GAB2: variants seen among roughly 807,000 people sequenced by gnomAD.
GAB2 encodes GRB2-associated-binding protein 2.
GAB2 carries 26 observed loss-of-function variants against 65.5 expected under a neutral mutation model. The ratio of observed to expected loss-of-function variants is 0.40; its 90% CI spans 0.29 to 0.55. The LOEUF is 0.55. Among genes scored for constraint, GAB2 ranks in the 20% least tolerant of loss-of-function variants. The pLI is 0.53. For synonymous variants in GAB2, 321 were observed against 329.6 expected, an observed-to-expected ratio of 0.97 and a Z score of 0.28; for missense variants, 884 against 875.8, an observed-to-expected ratio of 1.01 and a Z score of -0.12.
rs1000877288 is a variant in GAB2, at chr11:78,215,544, A to G, written c.*3728T>C. 1 of 152,632 alleles carries G rather than the reference A, an allele frequency of 6.6e-6. No individual in the cohort carries two copies. The highest frequency in any genetic ancestry group is 2.4e-5 in the African/African-American group (1 of 41,482). 9.5% of individuals were successfully genotyped at this position (152,632 alleles called of 1,614,324 possible). Reference sequence around the variant, plus strand: ...TAAATGTCAATTTTAAATGGTAACAAGACAAGAACTCAAGACTGGGCTTCC... The same window carrying G: ...TAAATGTCAATTTTAAATGGTAACAGGACAAGAACTCAAGACTGGGCTTCC... On this transcript the variant is annotated 3_prime_UTR_variant, in exon 10 of 10. Transcript: ENST00000361507.
At chr11:78,410,993 A>T (rs955588406) in intron 1 of GAB2, among the ~76,000 whole-genome samples, 1 of 104,180 alleles carries the variant, frequency 9.6e-6, no homozygotes, top group Non-Finnish European at 2.2e-5. Flanking sequence ...TACAAATAAT[A>T]AAAAAAAAAA....
rs1452616134 is a variant in GAB2 at position 78,221,850 on chromosome 11, G to C, written c.1659-71C>G. On this transcript the variant is annotated intron_variant, in intron 7 of 9. Coordinates refer to ENST00000361507, the MANE Select transcript of GAB2 (RefSeq NM_080491.3). Reference sequence around the variant, plus strand: ...CTGCCATGTTTCTAGCCTCCAGCTGGGCCCTGACCCTCACACACCCAGACC... The same window carrying C: ...CTGCCATGTTTCTAGCCTCCAGCTGCGCCCTGACCCTCACACACCCAGACC... 17 of 1,084,548 alleles carry C rather than the reference G, an allele frequency of 1.6e-5. 1 individual carries two copies. In the Admixed American group the frequency reaches 3.1e-4, roughly 20 times the overall value. The allele number at this position is 1,084,548 out of a possible 1,614,324, so 67.2% of individuals were successfully genotyped here.
intron 1 of GAB2, among the ~76,000 whole-genome samples, chr11:78,411,747 G>A (rs887155599): frequency 1.3e-5 from 2 of 151,792 alleles, no homozygotes; most frequent in African/African-American, 4.8e-5. Flanking sequence ...AAAAAAACCA[G>A]GAAAGCCGGC....
At chr11:78,314,105 G>C (rs1027862915) in intron 1 of GAB2, among the ~76,000 whole-genome samples, 1 of 152,244 alleles carries the variant, frequency 6.6e-6, no homozygotes, top group Non-Finnish European at 1.5e-5. Flanking sequence ...GGGAAGTAAA[G>C]GAACCATTCA....
chr11:78,362,151 T>C (rs993323038), intron 1 of GAB2, among the ~76,000 whole-genome samples: 1 of 151,910 alleles, frequency 6.6e-6, no homozygotes, highest in Admixed American at 6.6e-5. Flanking sequence ...AATACGTATT[T>C]GTATGCGTAT....
At chr11:78,347,081 G>T (rs1856203712) in intron 1 of GAB2, among the ~76,000 whole-genome samples, 1 of 151,962 alleles carries the variant, frequency 6.6e-6, no homozygotes, top group Non-Finnish European at 1.5e-5. Flanking sequence ...CTGTCCATGT[G>T]GCCAAACGTT....
chr11:78,355,355 T>C (rs191822557), intron 1 of GAB2, among the ~76,000 whole-genome samples: 3 of 152,232 alleles, frequency 2.0e-5, no homozygotes, highest in Admixed American at 2.0e-4. Context: ...CCTTCTGTTA[T>C]CAAAAAAGAT....
At chr11:78,223,161 G>C (rs1326022579) in intron 6 of GAB2, among the ~76,000 whole-genome samples, 2 of 152,144 alleles carry the variant, frequency 1.3e-5, no homozygotes, top group African/African-American at 4.8e-5. Context: ...TCTACATGCA[G>C]GGGGCACAAA....
At chr11:78,414,741 A>G (rs1398827784) in intron 1 of GAB2, among the ~76,000 whole-genome samples, 1 of 152,206 alleles carries the variant, frequency 6.6e-6, no homozygotes, top group Non-Finnish European at 1.5e-5. Flanking sequence ...TAGGTCTCTT[A>G]TACTTATACT....
At chr11:78,251,058 T>C (rs1454508075) in intron 2 of GAB2, among the ~76,000 whole-genome samples, 1 of 151,526 alleles carries the variant, frequency 6.6e-6, no homozygotes, top group Non-Finnish European at 1.5e-5. Context: ...TTAGACAATA[T>C]ACCCATGTAA....
At chr11:78,281,183 C>T (rs1356751777) in intron 1 of GAB2, among the ~76,000 whole-genome samples, 1 of 152,052 alleles carries the variant, frequency 6.6e-6, no homozygotes, top group Non-Finnish European at 1.5e-5. Flanking sequence ...TCAAGAGATC[C>T]TCCCAACTCA....
chr11:78,378,372 C>T (rs753255969), intron 1 of GAB2, among the ~76,000 whole-genome samples: 1 of 152,152 alleles, frequency 6.6e-6, no homozygotes, highest in Non-Finnish European at 1.5e-5. Flanking sequence ...TTCTGAGCTT[C>T]CTTATTATCA....
chr11:78,321,005 G>A lies in GAB2; in HGVS notation c.76-40104C>T, dbSNP rs184680462. Among the ~76,000 whole-genome samples, 921 of 152,264 alleles carry A rather than the reference G, an allele frequency of 6.0e-3. 7 individuals carry two copies. Among genetic ancestry groups the A allele is most frequent in the African/African-American group, 0.021 (878 of 41,560 alleles). Reference sequence around the variant, plus strand: ...TAGTCACTGCTGGAATGTGGGGGTTGAAACAGAGTGAAGAATGACTTACAG... The same window carrying A: ...TAGTCACTGCTGGAATGTGGGGGTTAAAACAGAGTGAAGAATGACTTACAG... On this transcript the variant is annotated intron_variant, in intron 1 of 9. Transcript: ENST00000361507.
At chr11:78,410,006 A>G (rs1367991375) in intron 1 of GAB2, among the ~76,000 whole-genome samples, 1 of 152,186 alleles carries the variant, frequency 6.6e-6, no homozygotes, top group Non-Finnish European at 1.5e-5. Context: ...AAACTAAACA[A>G]TGTACTTGTA....
intron 3 of GAB2, among the ~76,000 whole-genome samples, chr11:78,233,153 C>A (rs1401501633): frequency 6.6e-6 from 1 of 151,482 alleles, no homozygotes; most frequent in East Asian, 2.0e-4. Context: ...CATCCTCCCA[C>A]CTCAGTCTTC....
intron 1 of GAB2, among the ~76,000 whole-genome samples, chr11:78,412,485 G>A (rs1456183648): frequency 6.6e-6 from 1 of 152,182 alleles, no homozygotes; most frequent in Admixed American, 6.5e-5. Flanking sequence ...AGTTGTCACA[G>A]ATTAAGGATG....
chr11:78,351,920 T>A (rs1047421021), intron 1 of GAB2, among the ~76,000 whole-genome samples: 1 of 152,038 alleles, frequency 6.6e-6, no homozygotes, highest in East Asian at 1.9e-4. Context: ...CTAAAAAGAA[T>A]TGGGGGGCCA....
intron 1 of GAB2, among the ~76,000 whole-genome samples, chr11:78,332,492 G>T (rs1403679405): frequency 1.3e-5 from 2 of 152,120 alleles, no homozygotes; most frequent in Admixed American, 1.3e-4. Context: ...CAAAAAGAAG[G>T]TAAAAGCCCC....
chr11:78,340,970 C>T (rs538711872), intron 1 of GAB2, among the ~76,000 whole-genome samples: 12 of 152,312 alleles, frequency 7.9e-5, no homozygotes, highest in African/African-American at 2.9e-4. Context: ...TCCCTCCCAC[C>T]TCCCTACTAC....
Sources: allele counts gnomAD v4.1 joint callset (sites outside exome capture counted in the v4.1 genomes callset), GRCh38; gene constraint gnomAD v4.1.1; transcripts MANE v1.5; gene names NCBI Gene and HGNC (gene_info 2026-07-23, HGNC 2026-07-21).